The following ADD1 variants were observed in gnomAD, a reference collection of about 807,000 sequenced individuals.
ADD1 encodes alpha-adducin.
A neutral mutation model predicts 80.5 loss-of-function variants in ADD1; 24 were observed. The ratio of observed to expected loss-of-function variants is 0.30; its 90% CI spans 0.22 to 0.42. The LOEUF is 0.42. Among genes scored for constraint, ADD1 ranks in the 10% least tolerant of loss-of-function variants. The pLI is 1.00. For missense variants in ADD1, 948 were observed against 1,019.0 expected, an observed-to-expected ratio of 0.93 and a Z score of 0.95; for synonymous variants, 373 against 393.8, an observed-to-expected ratio of 0.95 and a Z score of 0.63.
In ADD1 at chr4:2,915,017, A is replaced by T; in HGVS notation, c.1925A>T (p.Glu642Val). ...CTGGAGGAGTACCGCAGGGAGGTGG[A>T]GAGGAAGCAGAAGGGCTCTGAAGGT... ...RELEEYRREVERKQKGSEENL... is the reference protein window; with the variant it reads ...RELEEYRREVVRKQKGSEENL... The change falls in exon 14 of 16, where the codon GAG becomes GTG. Residue 642 changes from glutamate (E) to valine (V), a missense_variant. By Grantham distance (121) the Glu-to-Val change is moderately radical. Transcript: ENST00000683351. The T allele has an allele frequency of 6.2e-7, 1 of 1,613,566 alleles. No individual in the cohort carries two copies. The highest frequency in any genetic ancestry group is 8.5e-7 in the Non-Finnish European group (1 of 1,179,730).
intron 15 of ADD1, among the ~76,000 whole-genome samples, chr4:2,927,040 T>C (rs1295722166): frequency 1.3e-5 from 2 of 152,186 alleles, no homozygotes; most frequent in Admixed American, 6.5e-5. Flanking sequence ...CCACCTGCCG[T>C]GTGGGGTCAG....
At chr4:2,906,639 G>C (rs991732066) in intron 10 of ADD1, among the ~76,000 whole-genome samples, 1 of 152,142 alleles carries the variant, frequency 6.6e-6, no homozygotes, top group African/African-American at 2.4e-5. Flanking sequence ...TCCCAGGTTG[G>C]TATCTTTTCA....
chr4:2,855,761 C>T (rs554311820), intron 1 of ADD1, among the ~76,000 whole-genome samples: 22 of 151,738 alleles, frequency 1.4e-4, no homozygotes, highest in Middle Eastern at 6.8e-3. Flanking sequence ...AGTGCAGTGG[C>T]GCGATCACAG....
intron 4 of ADD1, among the ~76,000 whole-genome samples, chr4:2,885,901 T>C (rs193168675): frequency 0.012 from 1,824 of 152,172 alleles, 28 homozygotes; most frequent in African/African-American, 0.038. Context: ...TGAGCCACCC[T>C]GCCCGGCCCC....
chr4:2,917,015 T>C (rs936664515), intron 14 of ADD1, among the ~76,000 whole-genome samples: 4 of 152,216 alleles, frequency 2.6e-5, no homozygotes, highest in African/African-American at 9.7e-5. Flanking sequence ...TGTGTCTTTA[T>C]CATAGAATGT....
At chr4:2,888,890 T>C (rs1004295234) in intron 4 of ADD1, among the ~76,000 whole-genome samples, 2 of 151,998 alleles carry the variant, frequency 1.3e-5, no homozygotes, top group Admixed American at 1.3e-4. Context: ...AAATATGAAA[T>C]ATATACTGTT....
chr4:2,898,618 G>T, intron 8 of ADD1, 87 bp downstream of exon 8: 1 of 1,138,512 alleles, frequency 8.8e-7, no homozygotes, highest in Non-Finnish European at 1.3e-6. Context: ...TTATCGAGTA[G>T]GAGAGGAGTC....
intron 1 of ADD1, among the ~76,000 whole-genome samples, chr4:2,866,409 C>T (rs1729560699): frequency 6.6e-6 from 1 of 152,072 alleles, no homozygotes; most frequent in South Asian, 2.1e-4. Flanking sequence ...GTCCTGACCT[C>T]AGGTGATCTG....
chr4:2,913,799 G>A (rs1053179326), intron 13 of ADD1, among the ~76,000 whole-genome samples: 1 of 152,102 alleles, frequency 6.6e-6, no homozygotes, highest in Non-Finnish European at 1.5e-5. Context: ...GAAGGACCAG[G>A]CCTGGCATCC....
intron 15 of ADD1, 73 bp from the exon 16 acceptor site, chr4:2,928,098 G>T: frequency 3.0e-6 from 4 of 1,346,250 alleles, no homozygotes; most frequent in Non-Finnish European, 2.1e-6. Context: ...CGTGTGTGGG[G>T]CTCCCCCATC....
At chr4:2,925,542 C>T (rs377611016) in intron 14 of ADD1, among the ~76,000 whole-genome samples, 2 of 152,178 alleles carry the variant, frequency 1.3e-5, no homozygotes, top group Non-Finnish European at 2.9e-5. Context: ...ATACGTATTA[C>T]AGTTGCCAAG....
rs566160434 is a variant in ADD1 at position 2,885,670 on chromosome 4, T to C, written c.510+1004T>C. Among the ~76,000 whole-genome samples the C allele has an allele frequency of 1.1e-3, 173 of 151,516 alleles. 1 individual carries two copies. The highest frequency in any genetic ancestry group is 6.8e-3 in the Middle Eastern group (2 of 292). On this transcript the variant is annotated intron_variant, in intron 4 of 15. Transcript: ENST00000683351. Reference sequence around the variant, plus strand: ...TGTTGCCCAGGCTGGAGTGCAGTGGTGCAATCTCGGCTCACTGCAAGCTCC... The same window carrying C: ...TGTTGCCCAGGCTGGAGTGCAGTGGCGCAATCTCGGCTCACTGCAAGCTCC...
chr4:2,902,296 T>C (rs1736321121), intron 9 of ADD1: 1 of 152,216 alleles, frequency 6.6e-6, no homozygotes, highest in Non-Finnish European at 1.5e-5. Context: ...AGATAGTCTT[T>C]ATGGCAGAGT....
intron 13 of ADD1, among the ~76,000 whole-genome samples, chr4:2,909,863 T>G (rs1737725189): frequency 6.6e-6 from 1 of 150,720 alleles, no homozygotes; most frequent in South Asian, 2.1e-4. Flanking sequence ...GTAAATGTCA[T>G]GAATGTAGCC....
intron 1 of ADD1, among the ~76,000 whole-genome samples, chr4:2,872,927 G>A (rs545724839): frequency 1.3e-5 from 2 of 151,894 alleles, no homozygotes; most frequent in African/African-American, 4.8e-5. Flanking sequence ...TATGAAAAAT[G>A]TTCCAGAAGT....
Position 2,894,701 on chromosome 4 carries a change from C to T in ADD1, c.711C>T (p.Val237=), listed in dbSNP as rs370483088. 7 of 1,602,906 alleles carry T rather than the reference C, an allele frequency of 4.4e-6. No individual in the cohort carries two copies. Among genetic ancestry groups the T allele is most frequent in the East Asian group, 2.2e-5 (1 of 44,686 alleles). Reference sequence around the variant, plus strand: ...CTGCACGCCCGGACGTGAAGTGCGTCGTGCACATTCACACCCCAGCAGGGG... The same window carrying T: ...CTGCACGCCCGGACGTGAAGTGCGTTGTGCACATTCACACCCCAGCAGGGG... ...IYAARPDVKC[V]VHIHTPAGAA... The change falls in exon 6 of 16, where the codon GTC becomes GTT. Residue 237 remains valine, a synonymous_variant. Transcript: ENST00000683351.
At position 2,926,737 on chromosome 4, in the gene ADD1, T is replaced by G. The variant is rs1004171030; in HGVS notation, c.2047+625T>G. ...CTGCGCTTTGCCTCATTCTCCTGCT[T>G]CTTTGTTGTTTATTAAGTTTTGTTT... On this transcript the variant is annotated intron_variant, in intron 15 of 15. Transcript: ENST00000683351. The surrounding 1 kb of genome is among the most constrained non-coding windows in gnomAD (Gnocchi z 5.0). The G allele has an allele frequency of 3.5e-5, 54 of 1,533,116 alleles. No homozygotes were observed. The highest frequency in any genetic ancestry group is 4.2e-5 in the Non-Finnish European group (47 of 1,116,778). The allele number at this position is 1,533,116 out of a possible 1,614,324, so 95.0% of individuals were successfully genotyped here. A position where few individuals can be genotyped will look rare whatever the true frequency, so the allele number is the denominator to read the frequency against.
At chr4:2,863,329 G>A (rs181323960) in intron 1 of ADD1, among the ~76,000 whole-genome samples, 1 of 151,512 alleles carries the variant, frequency 6.6e-6, no homozygotes. Context: ...AAGGTGCTGG[G>A]ATTACAGTTG....
chr4:2,867,601 C>G (rs1190252328), intron 1 of ADD1, among the ~76,000 whole-genome samples: 1 of 152,148 alleles, frequency 6.6e-6, no homozygotes, highest in East Asian at 1.9e-4. Flanking sequence ...AAAAGAAAAA[C>G]AACACCAGCT....
Sources: allele counts gnomAD v4.1 joint callset (sites outside exome capture counted in the v4.1 genomes callset), GRCh38; gene constraint gnomAD v4.1.1; non-coding constraint Gnocchi (gnomAD v3.1); transcripts MANE v1.5; gene names NCBI Gene and HGNC (gene_info 2026-07-23, HGNC 2026-07-21).